Variants in FOXO3 observed in about 807,000 individuals in gnomAD.
The protein encoded by FOXO3 is forkhead box protein O3.
A neutral mutation model predicts 41.9 loss-of-function variants in FOXO3; 4 were observed. The observed-to-expected ratio is 0.10, with a 90% confidence interval of 0.05 to 0.22. The LOEUF is 0.22. Among genes scored for constraint, FOXO3 ranks in the 10% least tolerant of loss-of-function variants. FOXO3 has a pLI of 1.00. For missense variants in FOXO3, 534 were observed against 906.8 expected, an observed-to-expected ratio of 0.59 and a Z score of 5.28; for synonymous variants, 318 against 389.3, an observed-to-expected ratio of 0.82 and a Z score of 2.16.
chr6:108,627,568 C>T (rs563489356), intron 1 of FOXO3, among the ~76,000 whole-genome samples: 21 of 152,206 alleles, frequency 1.4e-4, no homozygotes, highest in Middle Eastern at 3.4e-3. Flanking sequence ...AGTCATTTTG[C>T]AGTAGAGCTC....
chr6:108,617,973 T>C, intron 1 of FOXO3: 1 of 558,606 alleles, frequency 1.8e-6, no homozygotes, highest in Non-Finnish European at 3.3e-6. Context: ...AGAACAGAGT[T>C]CTGGAATGAA....
chr6:108,675,254 A>G lies in FOXO3; in HGVS notation c.*35-4573A>G, dbSNP rs138560724. Among the ~76,000 whole-genome samples the G allele has an allele frequency of 1.9e-3, 289 of 152,266 alleles. 2 individuals are homozygous for G. Among genetic ancestry groups the G allele is most frequent in the African/African-American group, 6.5e-3 (272 of 41,552 alleles). ...GCCCCCAGCCCTTTGTCCCTCAGCT[A>G]TGAAGTATGAGGATGGCTACCTCTC... On this transcript the variant is annotated intron_variant, in intron 2 of 2. Transcript: ENST00000406360.
intron 1 of FOXO3, among the ~76,000 whole-genome samples, chr6:108,616,472 T>C (rs181772737): frequency 6.6e-6 from 1 of 152,164 alleles, no homozygotes; most frequent in Admixed American, 6.5e-5. Context: ...AATGTTTGTA[T>C]TTTTTAGTAG....
chr6:108,644,130 AGGCCCTCACTGC>A lies in FOXO3; in HGVS notation c.622-19312_622-19301del, dbSNP rs557296561. 2.7e-3 allele frequency among the ~76,000 whole-genome samples: 406 copies of A among 152,210 alleles called. 3 individuals are homozygous for A. Among genetic ancestry groups the A allele is most frequent in the Non-Finnish European group, 4.8e-3 (327 of 68,002 alleles). On this transcript the variant is annotated intron_variant, in intron 1 of 2. Coordinates refer to ENST00000406360, the MANE Select transcript of FOXO3 (RefSeq NM_001455.4). Reference sequence around the variant, plus strand: ...AGATCCTGTTCCCTCTCCCTCTCTGAGGCCCTCACTGCGGCCCTCACTGCATCATGCTTAGGC... The same window carrying A: ...AGATCCTGTTCCCTCTCCCTCTCTGAGGCCCTCACTGCATCATGCTTAGGC...
At chr6:108,622,128 G>T (rs1032678983) in intron 1 of FOXO3, among the ~76,000 whole-genome samples, 1 of 151,890 alleles carries the variant, frequency 6.6e-6, no homozygotes, top group Non-Finnish European at 1.5e-5. Flanking sequence ...GTGTGGTGGC[G>T]CATGCCTGTC....
At position 108,618,128 on chromosome 6, in the gene FOXO3, GAC is replaced by G. The variant is rs538232030; in HGVS notation, c.622-45325_622-45324del. 302 of 861,060 alleles carry G rather than the reference GAC, an allele frequency of 3.5e-4. 1 individual carries two copies. In the South Asian group the frequency reaches 3.7e-3, roughly 11 times the overall value. 53.3% of individuals were successfully genotyped at this position (861,060 alleles called of 1,614,324 possible). ...AAATCAGAGTCTGATCTGCCTCATG[GAC>G]AATCCCTGTCATTCACAATAGGCTT... On this transcript the variant is annotated intron_variant, in intron 1 of 2. Transcript: ENST00000406360.
intron 1 of FOXO3, among the ~76,000 whole-genome samples, chr6:108,640,538 C>T (rs1340532563): frequency 6.6e-6 from 1 of 152,168 alleles, no homozygotes; most frequent in Non-Finnish European, 1.5e-5. Context: ...CATATAAATA[C>T]ATGTGCATTA....
intron 1 of FOXO3, among the ~76,000 whole-genome samples, chr6:108,563,335 A>G (rs1775867524): frequency 6.6e-6 from 1 of 152,258 alleles, no homozygotes; most frequent in Non-Finnish European, 1.5e-5. Flanking sequence ...ACAAATGCTT[A>G]CATTATGAGT....
intron 1 of FOXO3, among the ~76,000 whole-genome samples, chr6:108,611,574 AGAT>A (rs1777365714): frequency 6.6e-6 from 1 of 152,210 alleles, no homozygotes; most frequent in Non-Finnish European, 1.5e-5. Context: ...ATGTAGTGGT[AGAT>A]ACCTCATTGT....
intron 1 of FOXO3, among the ~76,000 whole-genome samples, chr6:108,602,315 A>AAT (rs1777074825): frequency 1.3e-5 from 2 of 152,114 alleles, no homozygotes; most frequent in Non-Finnish European, 2.9e-5. Context: ...GCCCATTCTC[A>AAT]TACCCTTGCC....
chr6:108,679,645 T>C (rs1348834877), intron 2 of FOXO3, among the ~76,000 whole-genome samples, 182 bp from the exon 3 acceptor site: 1 of 152,190 alleles, frequency 6.6e-6, no homozygotes, highest in African/African-American at 2.4e-5. Flanking sequence ...AAGTAATCTT[T>C]GTGCTTTGTC....
intron 2 of FOXO3, among the ~76,000 whole-genome samples, chr6:108,673,888 C>T (rs1770465005): frequency 6.6e-6 from 1 of 152,150 alleles, no homozygotes; most frequent in African/African-American, 2.4e-5. Flanking sequence ...TACTACAATT[C>T]CCTATTGTTT....
chr6:108,660,564 C>A lies in FOXO3; in HGVS notation c.622-2891C>A, dbSNP rs140637552. Among the ~76,000 whole-genome samples, 1,338 of 152,318 alleles carry A rather than the reference C, an allele frequency of 8.8e-3. 9 individuals carry two copies. Among genetic ancestry groups the A allele is most frequent in the Non-Finnish European group, 0.012 (811 of 68,026 alleles). ...CTAATGGTAAAATCCTGCTGACATT[C>A]TGTGTTTTTAAAACATTCTGGGCTG... On this transcript the variant is annotated intron_variant, in intron 1 of 2. Transcript: ENST00000406360.
At position 108,560,938 on chromosome 6, in the gene FOXO3, G is replaced by T. The variant is rs1220905875; in HGVS notation, c.-271G>T. On this transcript the variant is annotated 5_prime_UTR_variant, in exon 1 of 3. Transcript: ENST00000406360. ...GGGCGGTGTCTGCTGCGCCAGGTTC[G>T]CTGGCCGCACGTCTTCAGGTCCTCC... 7.7e-7 allele frequency: 1 copy of T among 1,291,822 alleles called. No homozygotes were observed. Among genetic ancestry groups the T allele is most frequent in the Non-Finnish European group, 9.8e-7 (1 of 1,020,806 alleles). 80.0% of individuals were successfully genotyped at this position (1,291,822 alleles called of 1,614,324 possible).
intron 2 of FOXO3, among the ~76,000 whole-genome samples, chr6:108,673,278 C>T (rs1341358597): frequency 6.6e-6 from 1 of 152,212 alleles, no homozygotes; most frequent in Non-Finnish European, 1.5e-5. Flanking sequence ...CCAGCCGGCA[C>T]TTACACCAAG....
At chr6:108,629,807 A>G (rs1487046137) in intron 1 of FOXO3, among the ~76,000 whole-genome samples, 1 of 152,180 alleles carries the variant, frequency 6.6e-6, no homozygotes, top group Non-Finnish European at 1.5e-5. Flanking sequence ...AGCCAGTGAA[A>G]TATTTTTCCT....
chr6:108,615,785 A>C (rs903719924), intron 1 of FOXO3, among the ~76,000 whole-genome samples: 2 of 151,840 alleles, frequency 1.3e-5, no homozygotes, highest in Non-Finnish European at 2.9e-5. Flanking sequence ...CCTGTGCTTC[A>C]TTTGGGTTAG....
rs555084459 is a variant in FOXO3, at chr6:108,649,466, T to G, written c.622-13989T>G. 5.3e-5 allele frequency among the ~76,000 whole-genome samples: 8 copies of G among 151,998 alleles called. No individual in the cohort carries two copies. The East Asian group carries it at 1.5e-3, about 29-fold the overall frequency. On this transcript the variant is annotated intron_variant, in intron 1 of 2. Coordinates refer to ENST00000406360, the MANE Select transcript of FOXO3 (RefSeq NM_001455.4). ...GGCAAATTGTTCTCCAAATGGAGATTTGTTAATCTTATAAGTAGCTGATAT... is the reference window on the plus strand; with the variant it reads ...GGCAAATTGTTCTCCAAATGGAGATGTGTTAATCTTATAAGTAGCTGATAT...
chr6:108,600,647 A>G (rs1777026288), intron 1 of FOXO3, among the ~76,000 whole-genome samples: 1 of 151,926 alleles, frequency 6.6e-6, no homozygotes, highest in African/African-American at 2.4e-5. Flanking sequence ...TCTGCAATCA[A>G]TTATTGTTAA....
Sources: allele counts gnomAD v4.1 joint callset (sites outside exome capture counted in the v4.1 genomes callset), GRCh38; gene constraint gnomAD v4.1.1; transcripts MANE v1.5; gene names NCBI Gene and HGNC (gene_info 2026-07-23, HGNC 2026-07-21).